C11orf65: variants seen among roughly 807,000 people sequenced by gnomAD.
The protein encoded by C11orf65 is protein MFI.
Under a neutral mutation model 35.3 loss-of-function variants are expected in C11orf65, and 38 were observed. The observed-to-expected ratio is 1.08, with a 90% CI of 0.83 to 1.41. The LOEUF (loss-of-function observed/expected upper bound fraction) is 1.41, where lower values mean the gene tolerates loss of function less well. Ranked by LOEUF, C11orf65 falls within the 40% of genes most tolerant of loss-of-function variation. The probability of loss-of-function intolerance (pLI) is 0.00; values close to 1 mark genes in which losing one functional copy is unlikely to be tolerated. For missense variants in C11orf65, 370 were observed against 367.1 expected (o/e 1.01, Z -0.06); for synonymous variants, 105 against 114.4 (o/e 0.92, Z 0.53).
intron 6 of C11orf65, among the ~76,000 whole-genome samples, chr11:108,394,026 A>G (rs1295583401): frequency 6.6e-6 from 1 of 152,022 alleles, no homozygotes; most frequent in Non-Finnish European, 1.5e-5. Flanking sequence ...CTAAAAATAC[A>G]AAAATTAGCT....
At chr11:108,454,013 A>C (rs1323834208) in intron 2 of C11orf65, among the ~76,000 whole-genome samples, 2 of 152,210 alleles carry the variant, frequency 1.3e-5, no homozygotes, top group African/African-American at 2.4e-5. Context: ...ATTCAACAGC[A>C]AGGTCATCAG....
intron 2 of C11orf65, among the ~76,000 whole-genome samples, chr11:108,352,647 C>T (rs938940695): frequency 5.3e-5 from 8 of 152,156 alleles, no homozygotes; most frequent in Admixed American, 1.3e-4. Flanking sequence ...AGCCAAGAAC[C>T]GGAAAAATCC....
chr11:108,327,909 TG>T, downstream of C11orf65: 1 of 732,542 alleles, frequency 1.4e-6, no homozygotes, highest in Non-Finnish European at 2.3e-6. Flanking sequence ...GTCTCTAGGG[TG>T]GAGTGAAACA....
intron 3 of C11orf65, among the ~76,000 whole-genome samples, chr11:108,333,158 G>C (rs2086464778): frequency 1.3e-5 from 2 of 152,068 alleles, no homozygotes; most frequent in African/African-American, 2.4e-5. Flanking sequence ...ACTTATTACA[G>C]AGAATTGCAT....
downstream of C11orf65, chr11:108,328,958 G>T (rs758464186): frequency 2.0e-6 from 3 of 1,473,808 alleles, no homozygotes; most frequent in Non-Finnish European, 2.8e-6. Context: ...CTTAATTTGA[G>T]TGATTCTTTA....
At chr11:108,321,152 A>T in intron 6 of C11orf65, 1 of 1,028,528 alleles carries the variant, frequency 9.7e-7, no homozygotes, top group Non-Finnish European at 1.4e-6. Flanking sequence ...TTTTGTTTCC[A>T]CTGCTATTTT....
At chr11:108,369,065 T>C (rs1297936003) in intron 2 of C11orf65, 1 of 174,074 alleles carries the variant, frequency 5.7e-6, no homozygotes, top group Non-Finnish European at 1.2e-5. Flanking sequence ...CCTGAATTTA[T>C]TATAAAGTGT....
At chr11:108,372,249 A>C (rs1424883973) in intron 2 of C11orf65, among the ~76,000 whole-genome samples, 1 of 152,216 alleles carries the variant, frequency 6.6e-6, no homozygotes, top group African/African-American at 2.4e-5. Context: ...GCTGGAGTGC[A>C]GCAGCACGAT....
Position 108,313,798 on chromosome 11 carries a change from A to T in C11orf65, c.641-4727T>A, listed in dbSNP as rs4988079. Among the ~76,000 whole-genome samples the T allele has an allele frequency of 9.0e-3, 1,373 of 152,300 alleles. 19 individuals carry two copies. Among genetic ancestry groups the T allele is most frequent in the African/African-American group, 0.031 (1,297 of 41,562 alleles). ...ATAAATGAATTTGTGTGTAGAAAAT[A>T]TTTCACAGAGCAAGCACCATATAGG... On this transcript the variant is annotated intron_variant, in intron 6 of 6. Transcript: ENST00000525729.
intron 6 of C11orf65, among the ~76,000 whole-genome samples, chr11:108,314,702 A>G (rs1025628476): frequency 6.6e-6 from 1 of 152,142 alleles, no homozygotes; most frequent in Non-Finnish European, 1.5e-5. Flanking sequence ...AAAGTTAACT[A>G]CTAATAGTCT....
intron 2 of C11orf65, among the ~76,000 whole-genome samples, chr11:108,447,326 A>G (rs1017441799): frequency 6.6e-6 from 1 of 152,154 alleles, no homozygotes; most frequent in African/African-American, 2.4e-5. Flanking sequence ...TCAACAGAAT[A>G]TACATTTTTT....
chr11:108,463,609 T>C (rs1223781110), intron 1 of C11orf65, among the ~76,000 whole-genome samples: 1 of 152,162 alleles, frequency 6.6e-6, no homozygotes, highest in African/African-American at 2.4e-5. Context: ...TTTGCCGAAG[T>C]TACTTAACTC....
chr11:108,353,458 T>A (rs1238000035), intron 2 of C11orf65, among the ~76,000 whole-genome samples: 1 of 152,138 alleles, frequency 6.6e-6, no homozygotes, highest in Non-Finnish European at 1.5e-5. Flanking sequence ...AAAAATTTTT[T>A]AAATATAAAT....
chr11:108,390,002 T>TA (rs1454716958), intron 7 of C11orf65, among the ~76,000 whole-genome samples: 1 of 143,678 alleles, frequency 7.0e-6, no homozygotes, highest in Non-Finnish European at 1.5e-5. Context: ...CTGGTTTTTT[T>TA]TTTATTTATT....
intron 2 of C11orf65, among the ~76,000 whole-genome samples, chr11:108,339,867 G>A (rs1468344878): frequency 6.6e-6 from 1 of 152,118 alleles, no homozygotes; most frequent in South Asian, 2.1e-4. Context: ...CTCAAAGACA[G>A]CAGGGGAGAG....
intron 3 of C11orf65, among the ~76,000 whole-genome samples, chr11:108,410,976 T>C (rs1465333826): frequency 1.3e-5 from 2 of 152,162 alleles, no homozygotes; most frequent in South Asian, 2.1e-4. Context: ...CCCAAACTGC[T>C]GGTATTACAG....
chr11:108,309,109 A>G, intron 6 of C11orf65: 11 of 1,173,936 alleles, frequency 9.4e-6, no homozygotes, highest in Non-Finnish European at 1.3e-5. Flanking sequence ...AAAACGGGTA[A>G]AGACATGCAT....
intron 2 of C11orf65, among the ~76,000 whole-genome samples, chr11:108,446,090 T>G (rs1454923948): frequency 6.6e-6 from 1 of 151,976 alleles, no homozygotes; most frequent in Non-Finnish European, 1.5e-5. Flanking sequence ...GAAAAAAGAA[T>G]AAAAAGAAAC....
At chr11:108,460,624 T>C (rs574553362) in intron 2 of C11orf65, among the ~76,000 whole-genome samples, 19 of 152,346 alleles carry the variant, frequency 1.2e-4, no homozygotes, top group African/African-American at 3.6e-4. Flanking sequence ...ATACTTTCAT[T>C]GATAGCCATT....
Sources: allele counts gnomAD v4.1 joint callset (sites outside exome capture counted in the v4.1 genomes callset), GRCh38; gene constraint gnomAD v4.1.1; transcripts MANE v1.5; gene names NCBI Gene and HGNC (gene_info 2026-07-23, HGNC 2026-07-21).